SLC17A6: variants seen among roughly 807,000 people sequenced by gnomAD.
SLC17A6 encodes solute carrier family 17 member 6, also known as vesicular glutamate transporter 2.
SLC17A6 carries 35 observed loss-of-function variants against 67.1 expected under a neutral mutation model. That is an observed-to-expected ratio of 0.52 (90% CI 0.40 to 0.69). The LOEUF is 0.69. Ranked by LOEUF, SLC17A6 falls within the 30% of genes least tolerant of loss-of-function variation. The pLI, the probability that SLC17A6 is intolerant of heterozygous loss-of-function variation, is 0.00. For missense variants in SLC17A6, 588 were observed against 723.9 expected, an observed-to-expected ratio of 0.81 and a Z score of 2.15; for synonymous variants, 285 against 252.3, an observed-to-expected ratio of 1.13 and a Z score of -1.23.
chr11:22,362,785 T>C lies in SLC17A6; in HGVS notation c.708T>C (p.Leu236=). The change falls in exon 6 of 12, where the codon CTT becomes CTC. Residue 236 remains leucine, a synonymous_variant. Transcript: ENST00000263160. The part of the protein sequence containing the change: ...AVIAMPLAGI[L]VQYTGWSSVF... The stretch of plus-strand genomic sequence containing the variant: ...TTGCAATGCCTTTAGCTGGCATTCT[T>C]GTGCAGTACACTGGCTGGTCTTCAG... The C allele has an allele frequency of 1.9e-6, 3 of 1,613,920 alleles. No homozygotes were observed. Among genetic ancestry groups the C allele is most frequent in the East Asian group, 2.2e-5 (1 of 44,882 alleles).
intron 3 of SLC17A6, among the ~76,000 whole-genome samples, chr11:22,359,162 A>G (rs902151121): frequency 2.0e-5 from 3 of 152,222 alleles, no homozygotes; most frequent in Non-Finnish European, 2.9e-5. Flanking sequence ...AAAGAAAATA[A>G]TAGTATAACC....
At chr11:22,363,084 T>C (rs1194041407) in intron 6 of SLC17A6, among the ~76,000 whole-genome samples, 1 of 152,192 alleles carries the variant, frequency 6.6e-6, no homozygotes, top group African/African-American at 2.4e-5. Context: ...ATCTATGTCC[T>C]TCATTATGAA....
intron 3 of SLC17A6, among the ~76,000 whole-genome samples, chr11:22,346,979 G>T (rs868307659): frequency 1.7e-4 from 26 of 151,508 alleles, no homozygotes; most frequent in African/African-American, 5.8e-4. Context: ...TATTTAGGTG[G>T]TGATATTATT....
intron 3 of SLC17A6, among the ~76,000 whole-genome samples, chr11:22,346,864 T>A (rs1484084390): frequency 6.7e-6 from 1 of 149,028 alleles, no homozygotes; most frequent in East Asian, 1.9e-4. Context: ...AATATACATT[T>A]TTTTTGCAAA....
rs774286540 is a variant in SLC17A6 at position 22,359,523 on chromosome 11, T to C, written c.569T>C (p.Val190Ala). ...TTTGTCAGAATACTGCAGGGACTTG[T>C]TGAGGTATGTAACTTCAGGGTGAAG... ...VIFVRILQGL[V>A]EGVTYPACHG... is the part of the protein sequence containing the mutation. Residue 190 changes from valine to alanine, a missense_variant, in exon 4 of 12, where the codon GTT becomes GCT. Val to Ala is a moderately conservative substitution (Grantham distance 64). Around this residue, in one of 4 missense-constraint regions of SLC17A6, gnomAD observed 414 missense variants for 563.4 expected, o/e 0.73. Transcript: ENST00000263160. 2 of 1,575,792 alleles carry C rather than the reference T, an allele frequency of 1.3e-6. No individual in the cohort carries two copies. Among genetic ancestry groups the C allele is most frequent in the Admixed American group, 1.8e-5 (1 of 55,972 alleles).
At chr11:22,370,237 A>G (rs578205510) in intron 8 of SLC17A6, 49 bp downstream of exon 8, 1 of 1,484,090 alleles carries the variant, frequency 6.7e-7, no homozygotes, top group Admixed American at 2.3e-5. Flanking sequence ...TGTGTATTTA[A>G]GTGAATACTA....
intron 5 of SLC17A6, chr11:22,362,160 T>G (rs1489761984): frequency 3.0e-6 from 1 of 329,802 alleles, no homozygotes; most frequent in Admixed American, 4.5e-5. Context: ...TTTAAACTAT[T>G]TTATGGGACA....
chr11:22,376,815 C>T, intron 11 of SLC17A6, 143 bp downstream of exon 11: 1 of 805,490 alleles, frequency 1.2e-6, no homozygotes, highest in African/African-American at 1.7e-5. Context: ...ATAAATGAGG[C>T]TCAGAATACA....
intron 7 of SLC17A6, among the ~76,000 whole-genome samples, chr11:22,366,468 ATTTAATTAT>A (rs1032420998): frequency 6.6e-6 from 1 of 152,166 alleles, no homozygotes; most frequent in Non-Finnish European, 1.5e-5. Flanking sequence ...TTATAACATA[ATTTAATTAT>A]TTTATTGATA....
intron 8 of SLC17A6, among the ~76,000 whole-genome samples, chr11:22,372,869 C>T (rs948119146): frequency 6.6e-6 from 1 of 152,062 alleles, no homozygotes; most frequent in African/African-American, 2.4e-5. Flanking sequence ...CATGATAAGT[C>T]CCCAAAAGCC....
intron 7 of SLC17A6, among the ~76,000 whole-genome samples, chr11:22,366,071 T>TA (rs1314007857): frequency 6.6e-6 from 1 of 151,980 alleles, no homozygotes; most frequent in African/African-American, 2.4e-5. Flanking sequence ...AATACAGTAG[T>TA]CCCCCCGCAT....
chr11:22,350,252 T>C (rs1210525526), intron 3 of SLC17A6, among the ~76,000 whole-genome samples: 1 of 152,162 alleles, frequency 6.6e-6, no homozygotes, highest in Non-Finnish European at 1.5e-5. Flanking sequence ...CACCTCTTGA[T>C]TTTGGCAATC....
chr11:22,341,874 A>C, intron 2 of SLC17A6, 94 bp downstream of exon 2: 1 of 1,529,036 alleles, frequency 6.5e-7, no homozygotes, highest in Non-Finnish European at 8.8e-7. Flanking sequence ...CCCGCCACTG[A>C]GAGGAAGGTT....
intron 3 of SLC17A6, among the ~76,000 whole-genome samples, chr11:22,347,296 C>A (rs548736405): frequency 2.3e-4 from 35 of 151,812 alleles, no homozygotes; most frequent in African/African-American, 7.2e-4. Context: ...TAGGTTCAGG[C>A]TCTTGAATGT....
intron 8 of SLC17A6, among the ~76,000 whole-genome samples, chr11:22,372,347 T>G (rs923736603): frequency 6.6e-6 from 1 of 150,650 alleles, no homozygotes; most frequent in Non-Finnish European, 1.5e-5. Context: ...GTAAATACTT[T>G]TTTCATTTTT....
Position 22,343,796 on chromosome 11 carries a change from C to T in SLC17A6, c.458+431C>T, listed in dbSNP as rs140636338. On this transcript the variant is annotated intron_variant, in intron 3 of 11. Transcript: ENST00000263160. The stretch of plus-strand genomic sequence containing the variant: ...CCGAGGGTCTGACCTCCTGGCAAGG[C>T]GCCTCGAAGACCTGGCCCCGTCCCC... Among the ~76,000 whole-genome samples, 499 of 152,240 alleles carry T rather than the reference C, an allele frequency of 3.3e-3. 2 individuals carry two copies. Among genetic ancestry groups the T allele is most frequent in the African/African-American group, 0.012 (479 of 41,542 alleles).
chr11:22,352,395 A>AG (rs1268763733), intron 3 of SLC17A6, among the ~76,000 whole-genome samples: 1 of 152,268 alleles, frequency 6.6e-6, no homozygotes, highest in African/African-American at 2.4e-5. Flanking sequence ...CCAGAACAGC[A>AG]GTCTGTCCCT....
At chr11:22,346,707 A>G (rs1855880215) in intron 3 of SLC17A6, among the ~76,000 whole-genome samples, 1 of 151,762 alleles carries the variant, frequency 6.6e-6, no homozygotes, top group Non-Finnish European at 1.5e-5. Context: ...GCTTATAGTA[A>G]TCCAGATATT....
At chr11:22,372,278 C>T (rs1379453394) in intron 8 of SLC17A6, among the ~76,000 whole-genome samples, 1 of 151,044 alleles carries the variant, frequency 6.6e-6, no homozygotes. Flanking sequence ...TATTAGTTAA[C>T]TGAGATATAC....
Sources: gnomAD v4.1 joint callset for allele counts (sites outside exome capture counted in the v4.1 genomes callset) on GRCh38, gnomAD v4.1.1 for gene constraint, gnomAD v4.1.1 regional missense constraint, MANE v1.5 for transcripts, NCBI Gene and HGNC (gene_info 2026-07-23, HGNC 2026-07-21) for gene names.